BMPR1A: variants seen among roughly 807,000 people sequenced by gnomAD.
BMPR1A encodes bone morphogenetic protein receptor type-1A.
BMPR1A carries 7 observed loss-of-function variants against 66.0 expected under a neutral mutation model. That is an observed-to-expected ratio of 0.11 (90% confidence interval 0.06 to 0.20). BMPR1A has a LOEUF of 0.20. Among genes scored for constraint, BMPR1A ranks in the 10% least tolerant of loss-of-function variants. BMPR1A has a pLI of 1.00. For missense variants in BMPR1A, 408 were observed against 669.1 expected (o/e 0.61, Z 4.31); for synonymous variants, 200 against 229.7 (o/e 0.87, Z 1.17).
intron 2 of BMPR1A, among the ~76,000 whole-genome samples, chr10:86,868,712 C>T (rs1299487014): frequency 6.6e-6 from 1 of 150,988 alleles, no homozygotes; most frequent in Non-Finnish European, 1.5e-5. Context: ...GGGGGCTTAA[C>T]AGGAAGAGGA....
chr10:86,853,737 T>G (rs1358552194), intron 2 of BMPR1A, among the ~76,000 whole-genome samples: 1 of 152,118 alleles, frequency 6.6e-6, no homozygotes, highest in Non-Finnish European at 1.5e-5. Context: ...TTTTTATTAG[T>G]GATTTTCAAA....
chr10:86,814,046 C>G (rs1287615112), intron 1 of BMPR1A, among the ~76,000 whole-genome samples: 1 of 151,884 alleles, frequency 6.6e-6, no homozygotes, highest in East Asian at 1.9e-4. Context: ...TTATAAATTA[C>G]TTGATGTTTT....
At chr10:86,815,187 C>T (rs1284416976) in intron 1 of BMPR1A, among the ~76,000 whole-genome samples, 1 of 152,128 alleles carries the variant, frequency 6.6e-6, no homozygotes, top group South Asian at 2.1e-4. Flanking sequence ...TGGAAGAAAG[C>T]CTAGTGACTC....
chr10:86,868,310 G>A (rs985606797), intron 2 of BMPR1A, among the ~76,000 whole-genome samples: 10 of 152,178 alleles, frequency 6.6e-5, no homozygotes. Context: ...TTAGATTTGC[G>A]GGATATTGTT....
At chr10:86,794,827 T>C (rs996945266) in intron 1 of BMPR1A, among the ~76,000 whole-genome samples, 8 of 151,318 alleles carry the variant, frequency 5.3e-5, no homozygotes, top group Admixed American at 2.0e-4. Context: ...TCTATATCTA[T>C]AGATATAGAT....
chr10:86,847,892 TGTTGA>T (rs1051472598), intron 2 of BMPR1A, among the ~76,000 whole-genome samples: 3 of 151,998 alleles, frequency 2.0e-5, no homozygotes, highest in Non-Finnish European at 2.9e-5. Context: ...TTCCATTCCC[TGTTGA>T]GTTAATTTTT....
At chr10:86,929,508 G>A (rs1351134409), downstream of BMPR1A, 3 of 152,158 alleles carry the variant, frequency 2.0e-5, no homozygotes, top group Non-Finnish European at 4.4e-5. Flanking sequence ...CTTTTCCTAG[G>A]GAACTGAACA....
intron 1 of BMPR1A, among the ~76,000 whole-genome samples, chr10:86,812,621 C>G (rs1197195631): frequency 6.6e-6 from 1 of 152,158 alleles, no homozygotes; most frequent in Non-Finnish European, 1.5e-5. Context: ...CTTGTTCTCT[C>G]CTTTTACTGG....
At chr10:86,929,415 T>TC (rs1843787647), downstream of BMPR1A, 1 of 152,226 alleles carries the variant, frequency 6.6e-6, no homozygotes, top group Non-Finnish European at 1.5e-5. Context: ...CTTGTCATTT[T>TC]CCCACCTGCA....
intron 2 of BMPR1A, among the ~76,000 whole-genome samples, chr10:86,852,765 C>T (rs901093838): frequency 1.3e-5 from 2 of 152,122 alleles, no homozygotes; most frequent in African/African-American, 4.8e-5. Context: ...ATTCCAAGCA[C>T]CGTTCCATGT....
At chr10:86,883,482 G>A (rs1023308044) in intron 3 of BMPR1A, among the ~76,000 whole-genome samples, 15 of 144,414 alleles carry the variant, frequency 1.0e-4, no homozygotes, top group African/African-American at 1.5e-4. Context: ...CCCGGGAGGC[G>A]GAGCTTGTAG....
In BMPR1A at chr10:86,790,183, AAAAAAATATATATATATATATATATATAT is replaced by A. The variant is rs1841586601; in HGVS notation, c.-268+33266_-268+33294del. On this transcript the variant is annotated intron_variant, in intron 1 of 12. Coordinates refer to ENST00000372037, the MANE Select transcript of BMPR1A (RefSeq NM_004329.3). ...TCTCCAAAAAAAAAAAAAAAAAAAA[AAAAAAATATATATATATATATATATATAT>A]ATATATATATATATATATATATATC... is the stretch of plus-strand genomic sequence containing the variant. 1.0e-4 allele frequency among the ~76,000 whole-genome samples: 4 copies of A among 39,570 alleles called. 1 individual carries two copies. The highest frequency in any genetic ancestry group is 4.0e-4 in the Admixed American group (1 of 2,492). The allele number at this position is 39,570 out of a possible 152,430, so 26.0% of individuals were successfully genotyped here.
rs747890322 is a variant in BMPR1A at position 86,919,500 on chromosome 10, A to G, written c.1166+31A>G. On this transcript the variant is annotated intron_variant, in intron 10 of 12. Transcript: ENST00000372037. ...TGGTTCTTTGCCCCACTGTTTTGAA[A>G]TTATTTTAATTTCCAAAAGATATTT... The G allele has an allele frequency of 5.6e-6, 9 of 1,608,886 alleles. No individual in the cohort carries two copies. The African/African-American group carries it at 1.1e-4, about 19-fold the overall frequency.
chr10:86,909,281 A>T (rs1002284676), intron 7 of BMPR1A, among the ~76,000 whole-genome samples: 13 of 152,120 alleles, frequency 8.5e-5, no homozygotes, highest in Non-Finnish European at 1.3e-4. Flanking sequence ...TTAAAATGTC[A>T]ATGTAAGGAT....
intron 3 of BMPR1A, among the ~76,000 whole-genome samples, chr10:86,887,157 T>C (rs1843077724): frequency 1.3e-5 from 2 of 152,074 alleles, no homozygotes; most frequent in South Asian, 4.1e-4. Context: ...CTTTTCACAT[T>C]GTATTTATTT....
chr10:86,892,462 A>G (rs561890514), intron 5 of BMPR1A, among the ~76,000 whole-genome samples: 27 of 152,346 alleles, frequency 1.8e-4, no homozygotes, highest in African/African-American at 6.0e-4. Context: ...TTATTTCCAT[A>G]GACAGCACCT....
intron 1 of BMPR1A, among the ~76,000 whole-genome samples, chr10:86,800,473 C>T (rs1020942948): frequency 6.6e-6 from 1 of 152,174 alleles, no homozygotes; most frequent in Non-Finnish European, 1.5e-5. Flanking sequence ...CTCACCGCAA[C>T]CTCCGCCTCC....
intron 1 of BMPR1A, among the ~76,000 whole-genome samples, chr10:86,786,430 G>C (rs1428326841): frequency 6.6e-6 from 1 of 152,120 alleles, no homozygotes; most frequent in African/African-American, 2.4e-5. Context: ...TGCGAGGTCA[G>C]CTCTGACCCT....
intron 1 of BMPR1A, among the ~76,000 whole-genome samples, chr10:86,834,052 C>T (rs1842308363): frequency 6.6e-6 from 1 of 152,168 alleles, no homozygotes; most frequent in Non-Finnish European, 1.5e-5. Flanking sequence ...AGGCTGGGAG[C>T]ATGTGTTTTT....
Sources: allele counts gnomAD v4.1 joint callset (sites outside exome capture counted in the v4.1 genomes callset), GRCh38; gene constraint gnomAD v4.1.1; transcripts MANE v1.5; gene names NCBI Gene and HGNC (gene_info 2026-07-23, HGNC 2026-07-21).